The following SYNPR variants were observed in gnomAD, a reference collection of about 807,000 sequenced individuals.
SYNPR encodes the protein synaptoporin.
SYNPR carries 23 observed loss-of-function variants against 32.9 expected under a neutral mutation model. That is an observed-to-expected ratio of 0.70 (90% CI 0.50 to 0.99). SYNPR has a LOEUF of 0.99. Ranked by LOEUF, SYNPR falls within the 50% of genes least tolerant of loss-of-function variation. The probability of loss-of-function intolerance (pLI) is 0.00; values close to 1 mark genes in which losing one functional copy is unlikely to be tolerated. For missense variants in SYNPR, 318 were observed against 349.3 expected (o/e 0.91, Z 0.71); for synonymous variants, 146 against 135.9 (o/e 1.07, Z -0.52).
intron 2 of SYNPR, among the ~76,000 whole-genome samples, chr3:63,423,129 A>G (rs572570150): frequency 1.3e-5 from 2 of 152,332 alleles, no homozygotes; most frequent in African/African-American, 4.8e-5. Flanking sequence ...TGTACATAAC[A>G]ACATGGATGA....
At chr3:63,310,300 C>T (rs1243345548) in intron 2 of SYNPR, among the ~76,000 whole-genome samples, 2 of 151,972 alleles carry the variant, frequency 1.3e-5, no homozygotes, top group Non-Finnish European at 2.9e-5. Context: ...GTGAAGGATG[C>T]AAACCTCCCT....
At chr3:63,333,985 T>C (rs993023686) in intron 2 of SYNPR, among the ~76,000 whole-genome samples, 12 of 152,218 alleles carry the variant, frequency 7.9e-5, no homozygotes, top group Non-Finnish European at 1.6e-4. Context: ...GAGAAATTGG[T>C]GACACCTGGT....
At chr3:63,587,584 A>AT (rs60242538) in intron 4 of SYNPR, among the ~76,000 whole-genome samples, 24,640 of 152,036 alleles carry the variant, frequency 0.16, 2,521 homozygotes, top group African/African-American at 0.29. Flanking sequence ...AAGATGTGCA[A>AT]TTTTTTCTGG....
intron 3 of SYNPR, among the ~76,000 whole-genome samples, chr3:63,485,313 G>A (rs539330887): frequency 2.0e-5 from 3 of 152,044 alleles, no homozygotes; most frequent in Non-Finnish European, 4.4e-5. Flanking sequence ...TTTTCAGAAG[G>A]TAAGAAAACT....
chr3:63,389,455 G>C (rs79453027), intron 2 of SYNPR, among the ~76,000 whole-genome samples: 2 of 152,290 alleles, frequency 1.3e-5, no homozygotes, highest in African/African-American at 4.8e-5. Flanking sequence ...GAGCAGAAAG[G>C]TGTCTCTCTT....
chr3:63,615,538 G>T lies in SYNPR; in HGVS notation c.*57G>T. The T allele has an allele frequency of 1.3e-6, 2 of 1,566,440 alleles. No homozygotes were observed. On this transcript the variant is annotated 3_prime_UTR_variant, in exon 6 of 6. Transcript: ENST00000478300. ...CTCACCATCTTCCATTTCAGTGGCA[G>T]AAGAATTTTTTAAGGGTTTCAATCA...
intron 2 of SYNPR, among the ~76,000 whole-genome samples, chr3:63,253,508 T>C (rs1274446879): frequency 2.6e-5 from 4 of 152,218 alleles, no homozygotes; most frequent in African/African-American, 4.8e-5. Context: ...ATTCTATATA[T>C]TGTATTTGTT....
At chr3:63,295,980 G>A (rs907611877) in intron 2 of SYNPR, among the ~76,000 whole-genome samples, 1 of 152,200 alleles carries the variant, frequency 6.6e-6, no homozygotes, top group African/African-American at 2.4e-5. Flanking sequence ...TGAAGAACCT[G>A]GGTAGCATGC....
intron 4 of SYNPR, among the ~76,000 whole-genome samples, chr3:63,600,275 A>G (rs931031051): frequency 6.6e-6 from 1 of 152,174 alleles, no homozygotes; most frequent in Non-Finnish European, 1.5e-5. Context: ...AACAGCCACC[A>G]GTTCTGGAGA....
At chr3:63,528,009 T>C (rs1425032870) in intron 3 of SYNPR, among the ~76,000 whole-genome samples, 1 of 152,174 alleles carries the variant, frequency 6.6e-6, no homozygotes, top group African/African-American at 2.4e-5. Flanking sequence ...GTCTTCCCAG[T>C]GGTTCCAAAA....
chr3:63,207,584 C>T, the SYNPR span, among the ~76,000 whole-genome samples: 1 of 152,052 alleles, frequency 6.6e-6, no homozygotes, highest in Non-Finnish European at 1.5e-5. Context: ...TCCTTCTAAA[C>T]AAAATCACAA....
chr3:63,571,534 AC>A (rs766128052), intron 4 of SYNPR, among the ~76,000 whole-genome samples: 2 of 152,226 alleles, frequency 1.3e-5, no homozygotes, highest in Non-Finnish European at 2.9e-5. Context: ...ATAACAGCCA[AC>A]CTTTTAAAGA....
intron 4 of SYNPR, among the ~76,000 whole-genome samples, chr3:63,564,016 G>C (rs1440520504): frequency 6.6e-6 from 1 of 150,528 alleles, no homozygotes; most frequent in African/African-American, 2.4e-5. Context: ...TCTTGAGGTT[G>C]GTGAGCAAGG....
intron 3 of SYNPR, among the ~76,000 whole-genome samples, chr3:63,515,270 C>T (rs1701774225): frequency 1.3e-5 from 2 of 152,072 alleles, no homozygotes; most frequent in Non-Finnish European, 1.5e-5. Flanking sequence ...CCTACTCCCC[C>T]TCTGTTGTTC....
chr3:63,516,296 G>A lies in SYNPR; in HGVS notation c.209+35340G>A, dbSNP rs371798790. Among the ~76,000 whole-genome samples, 7 of 152,064 alleles carry A rather than the reference G, an allele frequency of 4.6e-5. No homozygotes were observed. The South Asian group carries it at 6.2e-4, about 14-fold the overall frequency. On this transcript the variant is annotated intron_variant, in intron 3 of 5. Coordinates refer to ENST00000478300, the MANE Select transcript of SYNPR (RefSeq NM_001130003.2). ...TTGGGCAACTCACACTGGATCAATC[G>A]GCTTTCTGGTTTGATATACTTTGGA...
At chr3:63,298,446 T>A (rs1365330123) in intron 2 of SYNPR, among the ~76,000 whole-genome samples, 1 of 143,492 alleles carries the variant, frequency 7.0e-6, no homozygotes, top group Non-Finnish European at 1.6e-5. Flanking sequence ...GAAATAGGAA[T>A]GAAGAACCAG....
chr3:63,434,233 TGAAAAGGAAA>T (rs1437102126), intron 2 of SYNPR, among the ~76,000 whole-genome samples: 1 of 152,184 alleles, frequency 6.6e-6, no homozygotes, highest in African/African-American at 2.4e-5. Context: ...CTCAATTTGT[TGAAAAGGAAA>T]GAAAAACCAG....
intron 2 of SYNPR, among the ~76,000 whole-genome samples, chr3:63,478,752 A>T (rs1053332471): frequency 1.3e-5 from 2 of 152,176 alleles, no homozygotes; most frequent in African/African-American, 4.8e-5. Flanking sequence ...TGTTTTACAG[A>T]TGAGGAAACT....
chr3:63,465,791 T>G (rs774419800), intron 2 of SYNPR, among the ~76,000 whole-genome samples: 1 of 152,198 alleles, frequency 6.6e-6, no homozygotes, highest in Non-Finnish European at 1.5e-5. Flanking sequence ...TCATCAAATA[T>G]CTACACATTT....
Sources: allele counts gnomAD v4.1 joint callset (sites outside exome capture counted in the v4.1 genomes callset), GRCh38; gene constraint gnomAD v4.1.1; transcripts MANE v1.5; gene names NCBI Gene and HGNC (gene_info 2026-07-23, HGNC 2026-07-21).